Variants in WDPCP observed in about 807,000 individuals in gnomAD.
WDPCP encodes the protein WD repeat containing planar cell polarity effector, also known as WD repeat-containing and planar cell polarity effector protein fritz homolog.
A neutral mutation model predicts 93.1 loss-of-function variants in WDPCP; 71 were observed. The ratio of observed to expected loss-of-function variants is 0.76; its 90% CI spans 0.63 to 0.93. The LOEUF is 0.93. WDPCP is among the 40% of genes least tolerant of loss of function. WDPCP has a pLI of 0.00. For missense variants in WDPCP, 844 were observed against 887.4 expected, an observed-to-expected ratio of 0.95 and a Z score of 0.62; for synonymous variants, 315 against 315.0, an observed-to-expected ratio of 1.00 and a Z score of 0.00.
rs533638348 is a variant in WDPCP, at chr2:63,535,210, G to C, written c.76-42270C>G. Reference sequence around the variant, plus strand: ...CAAACCACTGCTCAATGAAATAAAAGAGGACACAAACAAATGGAAAAACAT... The same window carrying C: ...CAAACCACTGCTCAATGAAATAAAACAGGACACAAACAAATGGAAAAACAT... On this transcript the variant is annotated intron_variant, in intron 1 of 17. Transcript: ENST00000272321. Among the ~76,000 whole-genome samples, 710 of 152,298 alleles carry C rather than the reference G, an allele frequency of 4.7e-3. 3 individuals are homozygous for C. Among genetic ancestry groups the C allele is most frequent in the Admixed American group, 8.1e-3 (124 of 15,304 alleles).
chr2:63,558,301 G>T (rs1002038306), intron 1 of WDPCP, among the ~76,000 whole-genome samples: 3 of 151,946 alleles, frequency 2.0e-5, no homozygotes, highest in Non-Finnish European at 4.4e-5. Context: ...AGGGTGAGGC[G>T]GGCAGATCTT....
chr2:63,335,312 G>A (rs960673592), intron 12 of WDPCP, among the ~76,000 whole-genome samples: 3 of 152,040 alleles, frequency 2.0e-5, no homozygotes, highest in Non-Finnish European at 4.4e-5. Context: ...TCTTTCCTGG[G>A]CATGTCCTTA....
At chr2:63,507,912 C>T (rs897629305) in intron 1 of WDPCP, among the ~76,000 whole-genome samples, 3 of 152,054 alleles carry the variant, frequency 2.0e-5, no homozygotes, top group African/African-American at 7.2e-5. Flanking sequence ...ACGAACAAAG[C>T]CTGCAAGAAA....
intron 9 of WDPCP, among the ~76,000 whole-genome samples, chr2:63,419,982 T>C (rs1365511271): frequency 1.3e-5 from 2 of 152,224 alleles, no homozygotes; most frequent in African/African-American, 4.8e-5. Context: ...TCTTAGCTTA[T>C]CAGCAGAATT....
At chr2:63,404,933 A>G (rs1694453922) in intron 9 of WDPCP, among the ~76,000 whole-genome samples, 1 of 152,226 alleles carries the variant, frequency 6.6e-6, no homozygotes. Flanking sequence ...TTTTAACTTT[A>G]ACAATTTGTT....
chr2:63,765,525 T>G (rs1469162117), intron 2 of WDPCP, among the ~76,000 whole-genome samples: 1 of 152,154 alleles, frequency 6.6e-6, no homozygotes, highest in Non-Finnish European at 1.5e-5. Flanking sequence ...ACTGGGGCCT[T>G]GAGGGGCTTG....
intron 2 of WDPCP, among the ~76,000 whole-genome samples, chr2:63,490,544 G>A (rs937739633): frequency 2.0e-5 from 3 of 152,124 alleles, no homozygotes; most frequent in African/African-American, 2.4e-5. Context: ...TAATAAAGCC[G>A]AGCCCTAAAG....
chr2:63,310,124 A>G (rs1686067162), intron 13 of WDPCP, among the ~76,000 whole-genome samples: 1 of 152,168 alleles, frequency 6.6e-6, no homozygotes, highest in African/African-American at 2.4e-5. Context: ...GTAGTTCTTA[A>G]GTCATTACAA....
Position 63,579,509 on chromosome 2 carries a change from C to T in WDPCP, c.75+8688G>A, listed in dbSNP as rs1422375954. 8.5e-5 allele frequency among the ~76,000 whole-genome samples: 13 copies of T among 152,218 alleles called. 1 individual carries two copies. The East Asian group carries it at 2.5e-3, about 29-fold the overall frequency. On this transcript the variant is annotated intron_variant, in intron 1 of 17. Coordinates refer to ENST00000272321, the MANE Select transcript of WDPCP (RefSeq NM_015910.7). ...CCTGTAGTCCCAGCTACTCAGGAGG[C>T]TGAGGCAGGAGAATCACTTGAACCC... is the stretch of plus-strand genomic sequence containing the variant.
chr2:63,770,468 C>T (rs1380026302), intron 2 of WDPCP, among the ~76,000 whole-genome samples: 1 of 151,776 alleles, frequency 6.6e-6, no homozygotes, highest in African/African-American at 2.4e-5. Context: ...TTTTTACCTA[C>T]AAAAACAGCA....
At chr2:63,779,134 C>T (rs1403188724) in intron 2 of WDPCP, among the ~76,000 whole-genome samples, 1 of 151,998 alleles carries the variant, frequency 6.6e-6, no homozygotes. Flanking sequence ...GGGACAGGCT[C>T]AATAGGAAAA....
In WDPCP at chr2:63,716,226, TTCTAGTAACTTAATAGACC is replaced by T. The variant is rs375808980; in HGVS notation, n.309-65407_309-65389del. ...ATCAGGACAGAAAGGACAACTTTCTTTCTAGTAACTTAATAGACCTCTAGTAACTTAATAGACCTCTCTG... is the reference window on the plus strand; with the variant it reads ...ATCAGGACAGAAAGGACAACTTTCTTTCTAGTAACTTAATAGACCTCTCTG... On this transcript the variant is annotated intron_variant and non_coding_transcript_variant, in intron 2 of 4. Coordinates refer to the WDPCP transcript ENST00000467687. Among the ~76,000 whole-genome samples, 23 of 152,322 alleles carry T rather than the reference TTCTAGTAACTTAATAGACC, an allele frequency of 1.5e-4. No individual in the cohort carries two copies. The East Asian group carries it at 2.3e-3, about 15-fold the overall frequency.
At chr2:63,823,876 A>G (rs1024436470) in intron 1 of WDPCP, among the ~76,000 whole-genome samples, 2 of 152,162 alleles carry the variant, frequency 1.3e-5, no homozygotes, top group Non-Finnish European at 2.9e-5. Context: ...AAGCACAACA[A>G]AATAGTGGGA....
At chr2:63,225,028 C>G (rs1041430470) in intron 14 of WDPCP, among the ~76,000 whole-genome samples, 3 of 150,100 alleles carry the variant, frequency 2.0e-5, no homozygotes, top group Non-Finnish European at 4.4e-5. Flanking sequence ...GTACCTTCAG[C>G]TTAATTTTGC....
At chr2:63,243,756 A>T (rs1423909151) in intron 14 of WDPCP, among the ~76,000 whole-genome samples, 1 of 152,110 alleles carries the variant, frequency 6.6e-6, no homozygotes, top group African/African-American at 2.4e-5. Context: ...GTACAATAAT[A>T]ATGGGGGACT....
chr2:63,470,426 C>CAA (rs1276395421), intron 6 of WDPCP, among the ~76,000 whole-genome samples: 1 of 152,134 alleles, frequency 6.6e-6, no homozygotes, highest in Admixed American at 6.6e-5. Context: ...CAGTAAATGA[C>CAA]AACTCCATTC....
chr2:63,588,405 C>T lies in WDPCP; in HGVS notation c.-134G>A. 1 of 1,068,784 alleles carries T rather than the reference C, an allele frequency of 9.4e-7. No homozygotes were observed. Among genetic ancestry groups the T allele is most frequent in the South Asian group, 1.3e-5 (1 of 74,412 alleles). 66.2% of individuals were successfully genotyped at this position (1,068,784 alleles called of 1,614,324 possible). On this transcript the variant is annotated 5_prime_UTR_variant, in exon 1 of 18. Transcript: ENST00000272321. ...CACAGTTTCCTCAGGTGCTACAAAG[C>T]AGCCAGGGTGTGCGTGCGCTCCCGC...
intron 1 of WDPCP, among the ~76,000 whole-genome samples, chr2:63,814,307 T>C (rs1670900952): frequency 6.6e-6 from 1 of 152,042 alleles, no homozygotes; most frequent in South Asian, 2.1e-4. Flanking sequence ...AGGGGAAATC[T>C]ACTCAATGGA....
Position 63,404,502 on chromosome 2 carries a change from C to A in WDPCP, c.981G>T (p.Gln327His). 6.2e-7 allele frequency: 1 copy of A among 1,613,986 alleles called. No homozygotes were observed. Among genetic ancestry groups the A allele is most frequent in the Non-Finnish European group, 8.5e-7 (1 of 1,179,914 alleles). The change falls in exon 10 of 18, where the codon CAG (glutamine) becomes CAT (histidine). Residue 327 changes from glutamine (Q) to histidine (H), a missense_variant. Physicochemically the swap from Gln to His is conservative, Grantham distance 24. Transcript: ENST00000272321. ...GTGGTATTCTGGTGACTGACACACACTGGATTTTATTCCGAATGCATTCAT... is the reference window on the plus strand; with the variant it reads ...GTGGTATTCTGGTGACTGACACACAATGGATTTTATTCCGAATGCATTCAT... ...CIYECIRNKI[Q>H]CVSVTRIPLK...
Sources: allele counts gnomAD v4.1 joint callset (sites outside exome capture counted in the v4.1 genomes callset), GRCh38; gene constraint gnomAD v4.1.1; transcripts MANE v1.5; gene names NCBI Gene and HGNC (gene_info 2026-07-23, HGNC 2026-07-21).